Variants in SMPD3 observed in about 807,000 individuals in gnomAD.
SMPD3 encodes the protein sphingomyelin phosphodiesterase 3, also known as nSMase-2.
Under a neutral mutation model 55.7 loss-of-function variants are expected in SMPD3, and 21 were observed. The ratio of observed to expected loss-of-function variants is 0.38; its 90% CI spans 0.27 to 0.54. SMPD3 has a LOEUF of 0.54. Ranked by LOEUF, SMPD3 falls within the 20% of genes least tolerant of loss-of-function variation. The pLI is 0.80. For synonymous variants in SMPD3, 457 were observed against 404.3 expected (o/e 1.13, Z -1.56); for missense variants, 842 against 899.6 (o/e 0.94, Z 0.82).
rs2088988925 is a variant in SMPD3, at chr16:68,358,593, T to A, written c.*2613A>T. 1 of 152,680 alleles carries A rather than the reference T, an allele frequency of 6.5e-6. No homozygotes were observed. Among genetic ancestry groups the A allele is most frequent in the Non-Finnish European group, 1.5e-5 (1 of 68,040 alleles). The allele number at this position is 152,680 out of a possible 1,614,324, so 9.5% of individuals were successfully genotyped here. ...AAGTTTTTATAACAGTATTTCTAAA[T>A]CTCAGCAAGTTAAAAAGCAATAGTT... On this transcript the variant is annotated 3_prime_UTR_variant, in exon 9 of 9. Coordinates refer to ENST00000219334, the MANE Select transcript of SMPD3 (RefSeq NM_018667.4).
intron 2 of SMPD3, among the ~76,000 whole-genome samples, chr16:68,377,995 G>T (rs1281200327): frequency 6.6e-6 from 1 of 152,170 alleles, no homozygotes; most frequent in African/African-American, 2.4e-5. Context: ...CCACTTTGGC[G>T]CTAGGATGAG....
intron 2 of SMPD3, among the ~76,000 whole-genome samples, chr16:68,386,230 A>G (rs1036798114): frequency 3.3e-5 from 5 of 151,744 alleles, no homozygotes; most frequent in Non-Finnish European, 7.4e-5. Flanking sequence ...AAAAAAAAAA[A>G]GTTTTTGATA....
Position 68,363,572 on chromosome 16 carries a change from A to AG in SMPD3, c.1646-14dup. 6.2e-7 allele frequency: 1 copy of AG among 1,611,138 alleles called. No individual in the cohort carries two copies. Among genetic ancestry groups the AG allele is most frequent in the Non-Finnish European group, 8.5e-7 (1 of 1,178,650 alleles). On this transcript the variant is annotated splice_polypyrimidine_tract_variant and intron_variant, in intron 6 of 8. Coordinates refer to ENST00000219334, the MANE Select transcript of SMPD3 (RefSeq NM_018667.4). ...TCCAGCAGAGTACCTGGGGGGGACG[A>AG]GGGGGTGACAGTGGTCGCTGCAGGC...
chr16:68,361,840 C>G (rs2089287541), intron 7 of SMPD3, 81 bp from the exon 8 acceptor site: 1 of 1,466,046 alleles, frequency 6.8e-7, no homozygotes, highest in African/African-American at 1.4e-5. Flanking sequence ...GAGCCATGGT[C>G]TCCTCCCAGT....
At chr16:68,395,366 C>T (rs866918195) in intron 1 of SMPD3, among the ~76,000 whole-genome samples, 3 of 152,304 alleles carry the variant, frequency 2.0e-5, no homozygotes, top group South Asian at 2.1e-4. Context: ...ACTAGTTTTT[C>T]GAGTGACAGA....
At chr16:68,381,927 ACTCTTCCTGCT>A (rs1398796307) in intron 2 of SMPD3, 1 of 151,552 alleles carries the variant, frequency 6.6e-6, no homozygotes, top group Non-Finnish European at 1.5e-5. Context: ...ATCCAATCCA[ACTCTTCCTGCT>A]CTCAAGGATA....
chr16:68,387,620 C>G (rs1019997250), intron 1 of SMPD3, among the ~76,000 whole-genome samples: 36 of 152,340 alleles, frequency 2.4e-4, no homozygotes, highest in African/African-American at 7.7e-4. Flanking sequence ...TGTCTCAGGC[C>G]CAGTCTCTGC....
Position 68,372,104 on chromosome 16 carries a change from T to C in SMPD3, c.78A>G (p.Pro26=), listed in dbSNP as rs757997200. The C allele has an allele frequency of 1.2e-6, 2 of 1,612,660 alleles. No homozygotes were observed. Among genetic ancestry groups the C allele is most frequent in the East Asian group, 2.2e-5 (1 of 44,822 alleles). The change falls in exon 3 of 9, where the codon CCA becomes CCG. Residue 26 remains proline, a synonymous_variant. Coordinates refer to ENST00000219334, the MANE Select transcript of SMPD3 (RefSeq NM_018667.4). ...LHCVSWALIF[P]CYWLVDRLAA... The stretch of plus-strand genomic sequence containing the variant: ...CGAGCCGGTCCACCAGCCAGTAGCA[T>C]GGAAAGATAAGGGCCCAGGACACAC...
chr16:68,401,160 A>G (rs1385532484), intron 1 of SMPD3, among the ~76,000 whole-genome samples: 1 of 152,180 alleles, frequency 6.6e-6, no homozygotes, highest in Non-Finnish European at 1.5e-5. Context: ...CCGATTTGTC[A>G]TGCTCCAAAG....
At chr16:68,427,810 C>A (rs777914015) in intron 1 of SMPD3, among the ~76,000 whole-genome samples, 9 of 151,686 alleles carry the variant, frequency 5.9e-5, no homozygotes, top group Non-Finnish European at 1.0e-4. Flanking sequence ...GCTGAAACAT[C>A]GAATCAGAGA....
At chr16:68,365,169 C>G (rs1456416410) in intron 3 of SMPD3, 77 bp from the exon 4 acceptor site, 6 of 1,454,742 alleles carry the variant, frequency 4.1e-6, no homozygotes, top group Non-Finnish European at 4.8e-6. Context: ...GCAGTGCCCA[C>G]CCACCCATGA....
intron 1 of SMPD3, among the ~76,000 whole-genome samples, chr16:68,401,727 G>A (rs1403398708): frequency 1.3e-5 from 2 of 152,170 alleles, no homozygotes; most frequent in East Asian, 3.8e-4. Context: ...ATAGGTACAA[G>A]GCAGGCTGTC....
chr16:68,365,011 C>T lies in SMPD3; in HGVS notation c.1399+6G>A, dbSNP rs1298701239. 6.2e-7 allele frequency: 1 copy of T among 1,614,004 alleles called. No homozygotes were observed. The highest frequency in any genetic ancestry group is 8.5e-7 in the Non-Finnish European group (1 of 1,180,004). The stretch of plus-strand genomic sequence containing the variant: ...TAGAAAAAACACAGGTGGGCGGCAA[C>T]CCTACCTTGCGGGGCATGCAGGTGT... On this transcript the variant is annotated splice_donor_region_variant and intron_variant, in intron 4 of 8. Transcript: ENST00000219334.
At chr16:68,433,274 C>G (rs1278838555) in intron 1 of SMPD3, among the ~76,000 whole-genome samples, 4 of 152,226 alleles carry the variant, frequency 2.6e-5, no homozygotes, top group African/African-American at 9.6e-5. Flanking sequence ...TTTAAATGCT[C>G]TCATCACCAG....
At chr16:68,433,099 CG>C (rs1313758095) in intron 1 of SMPD3, among the ~76,000 whole-genome samples, 1 of 152,138 alleles carries the variant, frequency 6.6e-6, no homozygotes, top group African/African-American at 2.4e-5. Context: ...CCACCATGCC[CG>C]GCTGTTGTTT....
At chr16:68,382,704 C>G (rs921376782) in intron 2 of SMPD3, among the ~76,000 whole-genome samples, 8 of 152,162 alleles carry the variant, frequency 5.3e-5, no homozygotes, top group African/African-American at 1.9e-4. Context: ...CTTTGAGGAC[C>G]ATAATGACTA....
chr16:68,426,991 CTTTTT>C (rs56214206), intron 1 of SMPD3, among the ~76,000 whole-genome samples: 1 of 112,120 alleles, frequency 8.9e-6, no homozygotes. Flanking sequence ...TCAGGTCTAT[CTTTTT>C]TTTTTTTTTT....
At chr16:68,439,991 C>T (rs570531108) in intron 1 of SMPD3, among the ~76,000 whole-genome samples, 1 of 152,182 alleles carries the variant, frequency 6.6e-6, no homozygotes, top group Non-Finnish European at 1.5e-5. Flanking sequence ...CAGGAAAGAG[C>T]CTCATGTGTG....
At chr16:68,436,107 C>T (rs936618475) in intron 1 of SMPD3, among the ~76,000 whole-genome samples, 14 of 152,214 alleles carry the variant, frequency 9.2e-5, no homozygotes, top group Non-Finnish European at 1.8e-4. Context: ...ATTACTCTAA[C>T]CTCCATGCTG....
Sources: gnomAD v4.1 joint callset for allele counts (sites outside exome capture counted in the v4.1 genomes callset) on GRCh38, gnomAD v4.1.1 for gene constraint, MANE v1.5 for transcripts, NCBI Gene and HGNC (gene_info 2026-07-23, HGNC 2026-07-21) for gene names.